The following DIP2C variants were observed in gnomAD, a reference collection of about 807,000 sequenced individuals.
DIP2C encodes the protein disco-interacting protein 2 homolog C.
Under a neutral mutation model 192.4 loss-of-function variants are expected in DIP2C, and 33 were observed. The ratio of observed to expected loss-of-function variants is 0.17; its 90% CI spans 0.13 to 0.23. DIP2C has a LOEUF of 0.23. Ranked by LOEUF, DIP2C falls within the 10% of genes least tolerant of loss-of-function variation. The pLI is 1.00. For synonymous variants in DIP2C, 979 were observed against 864.1 expected, an observed-to-expected ratio of 1.13 and a Z score of -2.33; for missense variants, 1,537 against 2,110.1, an observed-to-expected ratio of 0.73 and a Z score of 5.32.
At chr10:306,952 A>C (rs539452661) in intron 32 of DIP2C, among the ~76,000 whole-genome samples, 1 of 152,310 alleles carries the variant, frequency 6.6e-6, no homozygotes, top group East Asian at 1.9e-4. Context: ...GGAGTCATGC[A>C]GGCAGATCCG....
At chr10:471,707 GAA>G (rs1216346659) in intron 3 of DIP2C, among the ~76,000 whole-genome samples, 1 of 151,902 alleles carries the variant, frequency 6.6e-6, no homozygotes, top group Non-Finnish European at 1.5e-5. Context: ...CTACATGTTG[GAA>G]AAACTCTCTC....
At chr10:679,472 A>ACCCATGCTCCCCACC (rs1831035563) in intron 1 of DIP2C, among the ~76,000 whole-genome samples, 1 of 68,906 alleles carries the variant, frequency 1.5e-5, no homozygotes, top group Non-Finnish European at 2.6e-5. Flanking sequence ...TCCTCCCCAC[A>ACCCATGCTCCCCACC]CCCCTGCTCC....
Position 651,361 on chromosome 10 carries a change from G to C in DIP2C, c.85+38133C>G, listed in dbSNP as rs571144152. Reference sequence around the variant, plus strand: ...CCTACTTTTGCATCCCCAGCACTGTGCTCAGGTCCCAGGGAGGCCCCAGCA... The same window carrying C: ...CCTACTTTTGCATCCCCAGCACTGTCCTCAGGTCCCAGGGAGGCCCCAGCA... On this transcript the variant is annotated intron_variant, in intron 1 of 36. Transcript: ENST00000280886. This position sits in a 1 kb window ranked among gnomAD's most constrained non-coding sequence, Gnocchi z 4.1. 8 of 702,210 alleles carry C rather than the reference G, an allele frequency of 1.1e-5. No homozygotes were observed. The South Asian group carries it at 1.2e-4, about 11-fold the overall frequency. The allele number at this position is 702,210 out of a possible 1,614,324, so 43.5% of individuals were successfully genotyped here. A position where few individuals can be genotyped will look rare whatever the true frequency, so the allele number is the denominator to read the frequency against.
chr10:623,509 G>T (rs1423429528), intron 1 of DIP2C, among the ~76,000 whole-genome samples: 1 of 123,048 alleles, frequency 8.1e-6, no homozygotes, highest in Non-Finnish European at 1.7e-5. Context: ...AGGAGGGGAG[G>T]GATGGACACA....
intron 1 of DIP2C, among the ~76,000 whole-genome samples, chr10:643,049 CA>C (rs1428383324): frequency 2.0e-5 from 3 of 151,458 alleles, no homozygotes; most frequent in African/African-American, 7.3e-5. Flanking sequence ...ACTAAAAATA[CA>C]AAAATCAGCC....
intron 1 of DIP2C, among the ~76,000 whole-genome samples, chr10:581,656 GAATC>G (rs1217827247): frequency 2.0e-5 from 3 of 152,298 alleles, no homozygotes; most frequent in Admixed American, 1.3e-4. Context: ...CACCACGAGA[GAATC>G]AAACAGCAAG....
At chr10:508,469 G>A (rs147495757) in intron 1 of DIP2C, among the ~76,000 whole-genome samples, 66 of 152,228 alleles carry the variant, frequency 4.3e-4, no homozygotes, top group African/African-American at 1.3e-3. Flanking sequence ...ATTTCATACC[G>A]CATCCGGCCC....
intron 1 of DIP2C, among the ~76,000 whole-genome samples, chr10:580,419 A>G (rs955641538): frequency 1.3e-5 from 2 of 152,220 alleles, no homozygotes; most frequent in Admixed American, 6.5e-5. Flanking sequence ...TGGTGTATGT[A>G]CACAGGTACA....
At chr10:506,807 C>A (rs1845620583) in intron 1 of DIP2C, among the ~76,000 whole-genome samples, 1 of 152,218 alleles carries the variant, frequency 6.6e-6, no homozygotes, top group Non-Finnish European at 1.5e-5. Flanking sequence ...GAAACGAGCC[C>A]CTCACTGAAG....
intron 1 of DIP2C, among the ~76,000 whole-genome samples, chr10:625,136 G>A (rs1854116377): frequency 6.6e-6 from 1 of 152,188 alleles, no homozygotes; most frequent in Non-Finnish European, 1.5e-5. Flanking sequence ...TTACAGCCGT[G>A]TCCTCAGCGG....
chr10:526,868 C>CG (rs1847087036), intron 1 of DIP2C, among the ~76,000 whole-genome samples: 1 of 152,236 alleles, frequency 6.6e-6, no homozygotes, highest in Non-Finnish European at 1.5e-5. Context: ...TGCCAGTCCC[C>CG]GGCAGAGTCC....
intron 31 of DIP2C, among the ~76,000 whole-genome samples, chr10:316,452 C>G (rs1956777736): frequency 6.6e-6 from 1 of 152,220 alleles, no homozygotes; most frequent in Admixed American, 6.5e-5. Flanking sequence ...TCTTCAGTCT[C>G]ACCCCCAGCT....
At chr10:491,479 C>T (rs1424099700) in intron 1 of DIP2C, among the ~76,000 whole-genome samples, 1 of 152,176 alleles carries the variant, frequency 6.6e-6, no homozygotes, top group Non-Finnish European at 1.5e-5. Context: ...TAGGCTTCTT[C>T]GTTCTCCAGC....
chr10:412,631 A>T (rs572969278), intron 8 of DIP2C, among the ~76,000 whole-genome samples: 1 of 152,262 alleles, frequency 6.6e-6, no homozygotes, highest in African/African-American at 2.4e-5. Flanking sequence ...CAAATCCCAC[A>T]TCTGTCCTGA....
chr10:597,986 G>GTTCCCTACAT (rs1851816298), intron 1 of DIP2C, among the ~76,000 whole-genome samples: 1 of 152,164 alleles, frequency 6.6e-6, no homozygotes, highest in Non-Finnish European at 1.5e-5. Context: ...CTGGACTCTG[G>GTTCCCTACAT]GGCTGACGTG....
At position 344,433 on chromosome 10, in the gene DIP2C, G is replaced by C. The variant is rs373779929; in HGVS notation, c.3453+376C>G. Among the ~76,000 whole-genome samples the C allele has an allele frequency of 1.3e-4, 20 of 152,138 alleles. No homozygotes were observed. The East Asian group carries it at 2.5e-3, about 19-fold the overall frequency. On this transcript the variant is annotated intron_variant, in intron 28 of 36. Coordinates refer to ENST00000280886, the MANE Select transcript of DIP2C (RefSeq NM_014974.3). The stretch of plus-strand genomic sequence containing the variant: ...GTTTGCACGGCACCTCGGCAAGGGC[G>C]GCATCTGAGCTGAGAGGGTCATGAT...
chr10:633,963 A>G (rs1854682198), intron 1 of DIP2C, among the ~76,000 whole-genome samples: 1 of 152,228 alleles, frequency 6.6e-6, no homozygotes, highest in African/African-American at 2.4e-5. Context: ...TTTATTCTCA[A>G]AAAGACTCTC....
chr10:358,173 G>A (rs1029091501), intron 22 of DIP2C, among the ~76,000 whole-genome samples: 3 of 152,064 alleles, frequency 2.0e-5, no homozygotes, highest in African/African-American at 7.2e-5. Flanking sequence ...CTCCCTGGAG[G>A]CCCTCCAAGC....
chr10:611,166 C>A (rs1480229367), intron 1 of DIP2C, among the ~76,000 whole-genome samples: 1 of 150,840 alleles, frequency 6.6e-6, no homozygotes. Context: ...CTCATGAGAT[C>A]TGGTTGTTTG....
Sources: allele counts gnomAD v4.1 joint callset (sites outside exome capture counted in the v4.1 genomes callset), GRCh38; gene constraint gnomAD v4.1.1; non-coding constraint Gnocchi (gnomAD v3.1); transcripts MANE v1.5; gene names NCBI Gene and HGNC (gene_info 2026-07-23, HGNC 2026-07-21).